SMYD3: variants seen among roughly 807,000 people sequenced by gnomAD.
The protein encoded by SMYD3 is histone-lysine N-methyltransferase SMYD3.
In SMYD3, 36 loss-of-function variants were observed where a neutral mutation model predicts 57.7. The ratio of observed to expected loss-of-function variants is 0.62; its 90% CI spans 0.48 to 0.82. The LOEUF is 0.82. SMYD3 is among the 40% of genes least tolerant of loss of function. The pLI, the probability that SMYD3 is intolerant of heterozygous loss-of-function variation, is 0.00. For missense variants in SMYD3, 515 were observed against 538.8 expected, an observed-to-expected ratio of 0.96 and a Z score of 0.44; for synonymous variants, 211 against 195.0, an observed-to-expected ratio of 1.08 and a Z score of -0.68.
intron 5 of SMYD3, among the ~76,000 whole-genome samples, chr1:246,168,255 T>A: frequency 6.6e-6 from 1 of 152,110 alleles, no homozygotes; most frequent in South Asian, 2.1e-4. Flanking sequence ...TATGCACAGG[T>A]AGCACGTTCA....
intron 5 of SMYD3, among the ~76,000 whole-genome samples, chr1:246,205,219 C>T (rs896425884): frequency 1.3e-5 from 2 of 152,218 alleles, no homozygotes; most frequent in Non-Finnish European, 2.9e-5. Context: ...CAAGGAGATA[C>T]AGTTCAGCTA....
chr1:246,426,101 T>C (rs1332309088), intron 1 of SMYD3: 4 of 152,334 alleles, frequency 2.6e-5, no homozygotes, highest in African/African-American at 9.6e-5. Flanking sequence ...GATAACTCAG[T>C]TGGACCTTTG....
chr1:245,844,852 G>A (rs1013343873), intron 10 of SMYD3, among the ~76,000 whole-genome samples: 1 of 142,128 alleles, frequency 7.0e-6, no homozygotes, highest in African/African-American at 3.1e-5. Context: ...CTGCCTCTGT[G>A]GTCAATCACA....
intron 1 of SMYD3, among the ~76,000 whole-genome samples, chr1:246,476,512 A>G (rs2068033240): frequency 1.3e-5 from 2 of 152,192 alleles, no homozygotes; most frequent in Admixed American, 1.3e-4. Flanking sequence ...ACTGTATTTT[A>G]AGTAACAAGA....
At position 246,456,500 on chromosome 1, in the gene SMYD3, C is replaced by T. The variant is rs527819621; in HGVS notation, c.164+50554G>A. ...CACCTCAAATTTCCCATGTAACATA[C>T]CTACTCATCCACCAACACCAAGCTA... is the stretch of plus-strand genomic sequence containing the variant. On this transcript the variant is annotated intron_variant, in intron 1 of 11. Coordinates refer to ENST00000490107, the MANE Select transcript of SMYD3 (RefSeq NM_001167740.2). 2.0e-5 allele frequency among the ~76,000 whole-genome samples: 3 copies of T among 152,316 alleles called. No individual in the cohort carries two copies. The South Asian group carries it at 6.2e-4, about 32-fold the overall frequency.
chr1:246,064,318 C>T (rs2060305046), intron 5 of SMYD3, among the ~76,000 whole-genome samples: 1 of 152,196 alleles, frequency 6.6e-6, no homozygotes, highest in South Asian at 2.1e-4. Context: ...TCTCTAATTT[C>T]TCAACACTTT....
chr1:246,081,759 T>C (rs1358538665), intron 5 of SMYD3, among the ~76,000 whole-genome samples: 1 of 152,144 alleles, frequency 6.6e-6, no homozygotes, highest in African/African-American at 2.4e-5. Flanking sequence ...CTCCTCCTGC[T>C]AGAAAAAATT....
rs149924623 is a variant in SMYD3 at position 246,167,046 on chromosome 1, C to A, written c.531+160155G>T. On this transcript the variant is annotated intron_variant, in intron 5 of 11. Transcript: ENST00000490107. The stretch of plus-strand genomic sequence containing the variant: ...AACGGAATCACAGAGCATGTGGCGT[C>A]TTGTGTCTGGCTCCCTTCATTAAGC... Among the ~76,000 whole-genome samples, 246 of 152,318 alleles carry A rather than the reference C, an allele frequency of 1.6e-3. 1 individual carries two copies. Among genetic ancestry groups the A allele is most frequent in the African/African-American group, 5.5e-3 (228 of 41,576 alleles).
intron 11 of SMYD3, among the ~76,000 whole-genome samples, chr1:245,759,977 T>C (rs2045775527): frequency 1.3e-5 from 2 of 152,134 alleles, no homozygotes; most frequent in Admixed American, 1.3e-4. Context: ...ACAAAAGCCT[T>C]CTAAGAAATA....
At chr1:246,333,658 G>A (rs1437706791) in intron 3 of SMYD3, among the ~76,000 whole-genome samples, 2 of 152,038 alleles carry the variant, frequency 1.3e-5, no homozygotes, top group East Asian at 3.8e-4. Flanking sequence ...AGAATTTCTT[G>A]AGCCCAGGAG....
intron 5 of SMYD3, chr1:246,326,237 G>A (rs770650648): frequency 2.5e-5 from 11 of 442,330 alleles, no homozygotes; most frequent in Non-Finnish European, 4.5e-5. Context: ...ATTGTCAAAA[G>A]TAAAGTTTTA....
chr1:246,474,752 G>A (rs550953874), intron 1 of SMYD3, among the ~76,000 whole-genome samples: 1 of 152,138 alleles, frequency 6.6e-6, no homozygotes, highest in Non-Finnish European at 1.5e-5. Flanking sequence ...GACAGAGGGC[G>A]TGGTATTGTC....
intron 10 of SMYD3, among the ~76,000 whole-genome samples, chr1:245,814,865 C>T (rs2148306412): frequency 7.4e-6 from 1 of 134,872 alleles, no homozygotes. Flanking sequence ...CACGCAAGCA[C>T]ACACACACGC....
At chr1:246,326,375 CA>C (rs2065349424) in intron 5 of SMYD3, 1 of 700,400 alleles carries the variant, frequency 1.4e-6, no homozygotes, top group Non-Finnish European at 2.6e-6. Flanking sequence ...TATCAAGAAG[CA>C]ATCATTTCAT....
At chr1:246,197,221 C>A (rs1353752455) in intron 5 of SMYD3, among the ~76,000 whole-genome samples, 2 of 152,172 alleles carry the variant, frequency 1.3e-5, no homozygotes, top group East Asian at 1.9e-4. Context: ...ATTAAATACT[C>A]CTCCTTCAAG....
rs2065442333 is a variant in SMYD3 at position 246,330,532 on chromosome 1, A to G, written c.342T>C (p.Asp114=). The change falls in exon 4 of 12, where the codon GAT becomes GAC. Residue 114 remains aspartate, a synonymous_variant. Transcript: ENST00000490107. ...GCTTCTCTGATTCTGAAGGTGCTCCATCCATCTGTGAAGGAAAAGGGGAAA... is the reference window on the plus strand; with the variant it reads ...GCTTCTCTGATTCTGAAGGTGCTCCGTCCATCTGTGAAGGAAAAGGGGAAA... The part of the protein sequence containing the change: ...LLGRVVFKLM[D]GAPSESEKLY... 6.3e-7 allele frequency: 1 copy of G among 1,591,968 alleles called. No individual in the cohort carries two copies. Among genetic ancestry groups the G allele is most frequent in the Non-Finnish European group, 8.5e-7 (1 of 1,170,962 alleles).
intron 8 of SMYD3, among the ~76,000 whole-genome samples, chr1:245,908,986 A>G (rs1447204363): frequency 6.6e-6 from 1 of 152,150 alleles, no homozygotes; most frequent in East Asian, 1.9e-4. Context: ...AACAAAACAG[A>G]GATTAAAGAA....
intron 5 of SMYD3, among the ~76,000 whole-genome samples, chr1:246,242,319 T>C (rs1050909145): frequency 3.3e-5 from 5 of 152,228 alleles, no homozygotes; most frequent in Admixed American, 3.3e-4. Flanking sequence ...TCAAAGAACA[T>C]CTTTATTTCT....
chr1:245,879,567 C>T (rs1379163069), intron 8 of SMYD3, among the ~76,000 whole-genome samples: 2 of 152,238 alleles, frequency 1.3e-5, no homozygotes, highest in Non-Finnish European at 2.9e-5. Flanking sequence ...CAGAAAGCTA[C>T]TCAATTCTTA....
Sources: allele counts gnomAD v4.1 joint callset (sites outside exome capture counted in the v4.1 genomes callset), GRCh38; gene constraint gnomAD v4.1.1; transcripts MANE v1.5; gene names NCBI Gene and HGNC (gene_info 2026-07-23, HGNC 2026-07-21).